Variants in THSD4 observed in about 807,000 individuals in gnomAD.
The protein encoded by THSD4 is thrombospondin type 1 domain containing 4.
Under a neutral mutation model 119.0 loss-of-function variants are expected in THSD4, and 69 were observed. That is an observed-to-expected ratio of 0.58 (90% confidence interval 0.48 to 0.71). The LOEUF (loss-of-function observed/expected upper bound fraction) is 0.71, where lower values mean the gene tolerates loss of function less well. Ranked by LOEUF, THSD4 falls within the 30% of genes least tolerant of loss-of-function variation. The pLI is 0.00. For missense variants in THSD4, 1,393 were observed against 1,391.1 expected, an observed-to-expected ratio of 1.00 and a Z score of -0.02; for synonymous variants, 524 against 540.4, an observed-to-expected ratio of 0.97 and a Z score of 0.42.
At chr15:71,731,389 T>C in intron 10 of THSD4, 172 bp downstream of exon 10, 3 of 635,904 alleles carry the variant, frequency 4.7e-6, no homozygotes, top group Non-Finnish European at 2.8e-6. Context: ...ACCATTTGTC[T>C]GAGCCTTCAC....
chr15:71,143,878 A>C (rs1381519363), intron 2 of THSD4, among the ~76,000 whole-genome samples: 2 of 151,682 alleles, frequency 1.3e-5, no homozygotes, highest in Non-Finnish European at 2.9e-5. Flanking sequence ...CCCTGCAAAC[A>C]GTCTCCTGTA....
At chr15:71,107,303 C>A (rs988393865) in intron 1 of THSD4, among the ~76,000 whole-genome samples, 9 of 151,396 alleles carry the variant, frequency 5.9e-5, no homozygotes, top group African/African-American at 1.9e-4. Flanking sequence ...GTTTTCTTTC[C>A]TTTTGCAATT....
chr15:71,102,324 T>C lies in THSD4; in HGVS notation c.-80+5318T>C, dbSNP rs560589722. Among the ~76,000 whole-genome samples, 98 of 152,268 alleles carry C rather than the reference T, an allele frequency of 6.4e-4. 1 individual carries two copies. The highest frequency in any genetic ancestry group is 2.2e-3 in the African/African-American group (93 of 41,576). ...TAAAATATTTTTTTCCCATTCAACA[T>C]CCTTTTTCTTTTCCTTCTAGGAGTG... On this transcript the variant is annotated intron_variant, in intron 1 of 17. Transcript: ENST00000355327.
At chr15:71,365,078 T>C (rs1223731424) in intron 6 of THSD4, among the ~76,000 whole-genome samples, 1 of 151,640 alleles carries the variant, frequency 6.6e-6, no homozygotes, top group Non-Finnish European at 1.5e-5. Context: ...TATCAGACCC[T>C]TGGAAATGAT....
At chr15:71,128,351 A>T (rs2040472728) in intron 1 of THSD4, among the ~76,000 whole-genome samples, 1 of 152,072 alleles carries the variant, frequency 6.6e-6, no homozygotes, top group Non-Finnish European at 1.5e-5. Context: ...ACACGGTGAA[A>T]TCCAATCTCT....
At chr15:71,559,537 A>G (rs1270705769) in intron 7 of THSD4, among the ~76,000 whole-genome samples, 1 of 151,148 alleles carries the variant, frequency 6.6e-6, no homozygotes, top group Non-Finnish European at 1.5e-5. Flanking sequence ...GACCCTACAT[A>G]AGACACATTT....
chr15:71,578,351 T>C (rs1050287437), intron 7 of THSD4, among the ~76,000 whole-genome samples: 1 of 152,144 alleles, frequency 6.6e-6, no homozygotes, highest in Non-Finnish European at 1.5e-5. Flanking sequence ...TGCTAATTTA[T>C]AGCAAGGATG....
intron 7 of THSD4, among the ~76,000 whole-genome samples, chr15:71,463,986 C>G (rs564817274): frequency 6.6e-6 from 1 of 152,312 alleles, no homozygotes; most frequent in South Asian, 2.1e-4. Flanking sequence ...CCCCAAACTC[C>G]CCCAATATGA....
chr15:71,363,311 GA>G (rs1680028882), intron 6 of THSD4, among the ~76,000 whole-genome samples: 2 of 152,218 alleles, frequency 1.3e-5, no homozygotes, highest in African/African-American at 2.4e-5. Flanking sequence ...TAGTAAACCA[GA>G]TTGGGCCCAA....
intron 11 of THSD4, among the ~76,000 whole-genome samples, chr15:71,743,076 G>T (rs770538470): frequency 2.6e-5 from 4 of 151,968 alleles, no homozygotes; most frequent in African/African-American, 4.8e-5. Context: ...AAAAAGATTT[G>T]TAGATCTGGC....
chr15:71,377,526 G>A (rs1300240909), intron 6 of THSD4, among the ~76,000 whole-genome samples: 1 of 152,104 alleles, frequency 6.6e-6, no homozygotes, highest in African/African-American at 2.4e-5. Flanking sequence ...CCAGGGGGCT[G>A]TAGTGACAGG....
intron 6 of THSD4, among the ~76,000 whole-genome samples, chr15:71,270,665 C>T (rs111591107): frequency 8.5e-5 from 13 of 152,118 alleles, no homozygotes; most frequent in African/African-American, 3.1e-4. Flanking sequence ...ACAGGAATTT[C>T]TACTCATATG....
chr15:71,772,117 C>T (rs1448960557), intron 17 of THSD4, among the ~76,000 whole-genome samples: 1 of 152,220 alleles, frequency 6.6e-6, no homozygotes, highest in Non-Finnish European at 1.5e-5. Flanking sequence ...TCACAGTCTG[C>T]TAAGAACATA....
intron 7 of THSD4, among the ~76,000 whole-genome samples, chr15:71,651,240 C>T (rs948112862): frequency 6.6e-6 from 1 of 152,182 alleles, no homozygotes; most frequent in East Asian, 1.9e-4. Flanking sequence ...ATTCCTTCAG[C>T]GTGATGTTGG....
intron 3 of THSD4, among the ~76,000 whole-genome samples, chr15:71,201,176 GA>G (rs147288794): frequency 2.0e-5 from 3 of 147,774 alleles, no homozygotes; most frequent in Non-Finnish European, 3.0e-5. Context: ...GTGGTTGTTT[GA>G]AAAAAAAAAG....
intron 7 of THSD4, among the ~76,000 whole-genome samples, chr15:71,484,487 C>G (rs1439705796): frequency 3.9e-5 from 6 of 152,190 alleles, no homozygotes; most frequent in African/African-American, 1.4e-4. Flanking sequence ...TAAACCAAAC[C>G]TGTCCTGTCC....
chr15:71,207,862 G>C (rs981751482), intron 3 of THSD4, among the ~76,000 whole-genome samples: 1 of 152,168 alleles, frequency 6.6e-6, no homozygotes, highest in Non-Finnish European at 1.5e-5. Flanking sequence ...ACTGGTTCCT[G>C]GTGCCAAAAA....
intron 4 of THSD4, among the ~76,000 whole-genome samples, chr15:71,219,544 AT>A (rs2043958893): frequency 6.6e-6 from 1 of 152,168 alleles, no homozygotes; most frequent in Non-Finnish European, 1.5e-5. Context: ...TTCATTTTAA[AT>A]GCTTCTGATA....
At chr15:71,708,356 A>T (rs1263842302) in intron 8 of THSD4, among the ~76,000 whole-genome samples, 2 of 152,142 alleles carry the variant, frequency 1.3e-5, no homozygotes, top group Non-Finnish European at 2.9e-5. Context: ...TGCATCTGGG[A>T]CCTACCACGC....
Sources: gnomAD v4.1 joint callset for allele counts (sites outside exome capture counted in the v4.1 genomes callset) on GRCh38, gnomAD v4.1.1 for gene constraint, MANE v1.5 for transcripts, NCBI Gene and HGNC (gene_info 2026-07-23, HGNC 2026-07-21) for gene names.